The following SNTG1 variants were observed in gnomAD, a reference collection of about 807,000 sequenced individuals.
The protein encoded by SNTG1 is syntrophin gamma 1.
In SNTG1, 39 loss-of-function variants were observed where a neutral mutation model predicts 74.7. That is an observed-to-expected ratio of 0.52 (90% confidence interval 0.40 to 0.68). The LOEUF (loss-of-function observed/expected upper bound fraction) is 0.68. Ranked by LOEUF, SNTG1 falls within the 30% of genes least tolerant of loss-of-function variation. The pLI is 0.00. For synonymous variants in SNTG1, 254 were observed against 217.1 expected, an observed-to-expected ratio of 1.17 and a Z score of -1.49; for missense variants, 685 against 609.5, an observed-to-expected ratio of 1.12 and a Z score of -1.30.
intron 17 of SNTG1, among the ~76,000 whole-genome samples, chr8:50,732,668 AT>A (rs915914191): frequency 6.6e-6 from 1 of 151,900 alleles, no homozygotes; most frequent in Non-Finnish European, 1.5e-5. Flanking sequence ...TAAAATATAT[AT>A]TTAAAATTGC....
chr8:49,985,331 G>C (rs559690984), intron 1 of SNTG1, among the ~76,000 whole-genome samples: 1 of 152,056 alleles, frequency 6.6e-6, no homozygotes, highest in East Asian at 1.9e-4. Context: ...GAGTTTCACC[G>C]TGTTGGCTAG....
intron 8 of SNTG1, among the ~76,000 whole-genome samples, chr8:50,498,746 A>T (rs1047449608): frequency 2.6e-5 from 4 of 151,794 alleles, no homozygotes; most frequent in African/African-American, 4.8e-5. Context: ...TAATTGATTC[A>T]CTCTGAGTTA....
chr8:50,701,437 G>A (rs1211416642), intron 15 of SNTG1, among the ~76,000 whole-genome samples: 1 of 152,204 alleles, frequency 6.6e-6, no homozygotes, highest in East Asian at 1.9e-4. Flanking sequence ...CTTGGCCCCA[G>A]CCAGTCCCAT....
chr8:50,024,098 T>C (rs1340262174), intron 1 of SNTG1, among the ~76,000 whole-genome samples: 3 of 152,168 alleles, frequency 2.0e-5, no homozygotes, highest in Non-Finnish European at 4.4e-5. Context: ...GGCAATGCAG[T>C]TGGTTGAGGG....
At chr8:50,612,416 T>C (rs931738872) in intron 13 of SNTG1, among the ~76,000 whole-genome samples, 1 of 152,226 alleles carries the variant, frequency 6.6e-6, no homozygotes, top group Non-Finnish European at 1.5e-5. Flanking sequence ...AAATGCTTTC[T>C]CTAAATTTCT....
chr8:50,689,296 G>C (rs1162701563), intron 15 of SNTG1, among the ~76,000 whole-genome samples: 1 of 152,140 alleles, frequency 6.6e-6, no homozygotes, highest in Non-Finnish European at 1.5e-5. Context: ...TGTTGAATAG[G>C]AGTGGTGAGA....
At chr8:50,611,079 G>A (rs762061060) in intron 13 of SNTG1, among the ~76,000 whole-genome samples, 4 of 152,054 alleles carry the variant, frequency 2.6e-5, no homozygotes, top group Admixed American at 6.5e-5. Flanking sequence ...ATATAGTCAC[G>A]AGGGAGGCAC....
intron 1 of SNTG1, among the ~76,000 whole-genome samples, chr8:49,973,373 G>T (rs1419968143): frequency 1.3e-5 from 2 of 151,932 alleles, no homozygotes; most frequent in African/African-American, 2.4e-5. Flanking sequence ...TGGGGTGGGG[G>T]GAAGGGGGAG....
intron 2 of SNTG1, among the ~76,000 whole-genome samples, chr8:50,384,966 T>C (rs1038530491): frequency 1.3e-5 from 2 of 152,156 alleles, no homozygotes; most frequent in Admixed American, 6.5e-5. Flanking sequence ...ATTCTGTATC[T>C]ACTAATAGCC....
intron 12 of SNTG1, among the ~76,000 whole-genome samples, chr8:50,558,219 C>T (rs1012641211): frequency 2.0e-5 from 3 of 152,178 alleles, no homozygotes; most frequent in African/African-American, 4.8e-5. Flanking sequence ...CCAGCTGGCC[C>T]GGCTGCCCCA....
Position 50,317,468 on chromosome 8 carries a change from G to T in SNTG1, c.-27-76744G>T, listed in dbSNP as rs138795544. Among the ~76,000 whole-genome samples, 420 of 152,284 alleles carry T rather than the reference G, an allele frequency of 2.8e-3. 4 individuals carry two copies. The highest frequency in any genetic ancestry group is 9.7e-3 in the African/African-American group (402 of 41,558). The stretch of plus-strand genomic sequence containing the variant: ...CAGTAAACAGCAGAAGACTCTAAGT[G>T]GAAAAGTAATGCACATGCCTATCCT... On this transcript the variant is annotated intron_variant, in intron 2 of 18. Coordinates refer to ENST00000642720, the MANE Select transcript of SNTG1 (RefSeq NM_018967.5).
At chr8:50,716,956 T>C (rs1429307470) in intron 17 of SNTG1, among the ~76,000 whole-genome samples, 1 of 152,048 alleles carries the variant, frequency 6.6e-6, no homozygotes, top group East Asian at 1.9e-4. Context: ...TAGGATGGAC[T>C]CGATCTCCTG....
intron 2 of SNTG1, among the ~76,000 whole-genome samples, chr8:50,200,530 C>A (rs1302355823): frequency 6.6e-6 from 1 of 152,122 alleles, no homozygotes; most frequent in Non-Finnish European, 1.5e-5. Context: ...ACTTGTAATT[C>A]TCTGCTCTCT....
chr8:50,692,667 G>A (rs1301903855), intron 15 of SNTG1, among the ~76,000 whole-genome samples: 2 of 152,168 alleles, frequency 1.3e-5, no homozygotes, highest in African/African-American at 2.4e-5. Flanking sequence ...CCTACTGGGG[G>A]GTGCCTCCCA....
chr8:50,338,683 A>G (rs2091228561), intron 2 of SNTG1, among the ~76,000 whole-genome samples: 1 of 152,138 alleles, frequency 6.6e-6, no homozygotes, highest in Non-Finnish European at 1.5e-5. Flanking sequence ...CAGCTAAGGA[A>G]AAAAATAGTG....
chr8:50,075,327 G>A (rs1244610523), intron 1 of SNTG1, among the ~76,000 whole-genome samples: 1 of 152,200 alleles, frequency 6.6e-6, no homozygotes, highest in Non-Finnish European at 1.5e-5. Flanking sequence ...CCTGAGTCGG[G>A]AGGAGACTTG....
chr8:50,780,876 T>A (rs2095657256), intron 18 of SNTG1, among the ~76,000 whole-genome samples: 2 of 152,234 alleles, frequency 1.3e-5, no homozygotes, highest in South Asian at 4.1e-4. Flanking sequence ...CTGCTTTGAA[T>A]GTGGCCCAGA....
At chr8:49,916,376 G>A (rs1806034793) in intron 1 of SNTG1, among the ~76,000 whole-genome samples, 1 of 152,000 alleles carries the variant, frequency 6.6e-6, no homozygotes, top group Non-Finnish European at 1.5e-5. Flanking sequence ...AAATCATTTT[G>A]GGTCTCCTGA....
chr8:50,585,357 A>AGC (rs999208741), intron 12 of SNTG1, among the ~76,000 whole-genome samples: 4 of 152,190 alleles, frequency 2.6e-5, no homozygotes, highest in African/African-American at 9.6e-5. Flanking sequence ...ATCCAAAAGC[A>AGC]GCCGGTTTTG....
Sources: allele counts gnomAD v4.1 joint callset (sites outside exome capture counted in the v4.1 genomes callset), GRCh38; gene constraint gnomAD v4.1.1; transcripts MANE v1.5; gene names NCBI Gene and HGNC (gene_info 2026-07-23, HGNC 2026-07-21).